Variants in CDH20 observed in about 807,000 individuals in gnomAD.
CDH20 encodes the protein cadherin 20, also known as cadherin-20.
A neutral mutation model predicts 74.2 loss-of-function variants in CDH20; 29 were observed. That is an observed-to-expected ratio of 0.39 (90% CI 0.29 to 0.53). CDH20 has a LOEUF of 0.53. Among genes scored for constraint, CDH20 ranks in the 20% least tolerant of loss-of-function variants. CDH20 has a pLI of 0.69. For missense variants in CDH20, 988 were observed against 1,048.3 expected, an observed-to-expected ratio of 0.94 and a Z score of 0.79; for synonymous variants, 469 against 405.4, an observed-to-expected ratio of 1.16 and a Z score of -1.88.
intron 1 of CDH20, among the ~76,000 whole-genome samples, chr18:61,473,631 C>A (rs1023599248): frequency 6.6e-6 from 1 of 152,230 alleles, no homozygotes; most frequent in African/African-American, 2.4e-5. Flanking sequence ...ACTGGTAATG[C>A]AGTTTCCACT....
intron 1 of CDH20, among the ~76,000 whole-genome samples, chr18:61,473,820 A>C (rs1459702930): frequency 6.6e-6 from 1 of 152,194 alleles, no homozygotes; most frequent in Non-Finnish European, 1.5e-5. Flanking sequence ...ATCAATCAGC[A>C]GGTCATAAAA....
intron 1 of CDH20, among the ~76,000 whole-genome samples, chr18:61,407,800 G>A (rs191366505): frequency 2.6e-5 from 4 of 152,300 alleles, no homozygotes; most frequent in African/African-American, 9.6e-5. Flanking sequence ...GTTATAAAAG[G>A]AAGGCTAAAG....
chr18:61,422,430 C>CA, intron 1 of CDH20, among the ~76,000 whole-genome samples: 2 of 151,966 alleles, frequency 1.3e-5, no homozygotes, highest in Admixed American at 1.3e-4. Context: ...TGCTACAGGG[C>CA]AAAAAATAAA....
At chr18:61,523,054 T>C (rs1326148523) in intron 6 of CDH20, among the ~76,000 whole-genome samples, 1 of 151,922 alleles carries the variant, frequency 6.6e-6, no homozygotes, top group African/African-American at 2.4e-5. Flanking sequence ...AAAGCCAAAA[T>C]TGACAAATGG....
At chr18:61,505,208 T>C (rs1276810879) in intron 5 of CDH20, among the ~76,000 whole-genome samples, 1 of 152,164 alleles carries the variant, frequency 6.6e-6, no homozygotes, top group Non-Finnish European at 1.5e-5. Context: ...GGTTATTACA[T>C]AGCTCAAAGG....
chr18:61,533,449 G>A (rs1483316687), intron 7 of CDH20, among the ~76,000 whole-genome samples: 1 of 152,166 alleles, frequency 6.6e-6, no homozygotes, highest in Non-Finnish European at 1.5e-5. Context: ...CTGATATTCA[G>A]CAAATGGCAG....
intron 1 of CDH20, among the ~76,000 whole-genome samples, chr18:61,465,258 AG>A (rs1384915196): frequency 6.6e-6 from 1 of 152,232 alleles, no homozygotes; most frequent in Non-Finnish European, 1.5e-5. Flanking sequence ...GCTGCTAAAA[AG>A]AAAACCAAAA....
chr18:61,503,038 G>C lies in CDH20; in HGVS notation c.747G>C (p.Gly249=). Residue 249 remains glycine (G), a synonymous_variant, in exon 5 of 12, where the codon GGG becomes GGC. Coordinates refer to ENST00000262717, the MANE Select transcript of CDH20 (RefSeq NM_031891.4). ...TTATCCAAGCCAAGGACATGGGAGG[G>C]CAGCTTGGAGGATTAGCTGGGACCA... The part of the protein sequence containing the change: ...EVIIQAKDMG[G]QLGGLAGTTT... 3 of 1,613,506 alleles carry C rather than the reference G, an allele frequency of 1.9e-6. No individual in the cohort carries two copies. Among genetic ancestry groups the C allele is most frequent in the Non-Finnish European group, 2.5e-6 (3 of 1,179,452 alleles).
intron 1 of CDH20, among the ~76,000 whole-genome samples, chr18:61,367,572 G>C (rs577050960): frequency 1.9e-4 from 29 of 152,192 alleles, no homozygotes; most frequent in African/African-American, 6.7e-4. Context: ...GATGCTGCTG[G>C]TATTCCTTGG....
At chr18:61,503,941 G>A (rs1911473466) in intron 5 of CDH20, among the ~76,000 whole-genome samples, 1 of 152,010 alleles carries the variant, frequency 6.6e-6, no homozygotes, top group African/African-American at 2.4e-5. Context: ...TTTATTCCAG[G>A]CACTATTCTA....
intron 10 of CDH20, among the ~76,000 whole-genome samples, chr18:61,548,322 C>T (rs1334409928): frequency 6.6e-6 from 1 of 152,152 alleles, no homozygotes; most frequent in Non-Finnish European, 1.5e-5. Flanking sequence ...GTTTTGGAGC[C>T]AGAGAGACCA....
intron 1 of CDH20, among the ~76,000 whole-genome samples, chr18:61,434,605 T>C (rs1419576520): frequency 2.0e-5 from 3 of 151,810 alleles, no homozygotes; most frequent in African/African-American, 4.8e-5. Context: ...CTTACCCACT[T>C]CTCCCTGCTG....
At chr18:61,417,142 G>C (rs1202273388) in intron 1 of CDH20, among the ~76,000 whole-genome samples, 2 of 152,102 alleles carry the variant, frequency 1.3e-5, no homozygotes, top group African/African-American at 4.8e-5. Flanking sequence ...TAAATGACCA[G>C]TGGTATGGAG....
intron 1 of CDH20, among the ~76,000 whole-genome samples, chr18:61,476,759 A>T (rs1245309286): frequency 6.6e-6 from 1 of 152,208 alleles, no homozygotes; most frequent in African/African-American, 2.4e-5. Context: ...TGATGGTGCC[A>T]GTCACTTCTG....
intron 1 of CDH20, among the ~76,000 whole-genome samples, chr18:61,478,233 T>C (rs1910461424): frequency 1.3e-5 from 2 of 152,046 alleles, no homozygotes; most frequent in African/African-American, 2.4e-5. Context: ...TTTTCATATA[T>C]TTATTGATCA....
chr18:61,494,804 G>T (rs536912481), intron 2 of CDH20, among the ~76,000 whole-genome samples: 1 of 152,254 alleles, frequency 6.6e-6, no homozygotes, highest in African/African-American at 2.4e-5. Flanking sequence ...GCTTGTGCAC[G>T]AATCTGTGGG....
intron 1 of CDH20, among the ~76,000 whole-genome samples, chr18:61,350,494 C>T (rs1203671823): frequency 6.6e-6 from 1 of 152,032 alleles, no homozygotes; most frequent in Non-Finnish European, 1.5e-5. Flanking sequence ...CCAAAGGAAC[C>T]ATAAGTGAAT....
intron 1 of CDH20, among the ~76,000 whole-genome samples, chr18:61,425,246 C>T (rs1389561488): frequency 6.6e-6 from 1 of 152,176 alleles, no homozygotes; most frequent in East Asian, 1.9e-4. Flanking sequence ...GTTCAGTTTC[C>T]CCAACCCTCG....
chr18:61,431,438 C>G lies in CDH20; in HGVS notation c.-152-58964C>G, dbSNP rs1913251695. 3.9e-5 allele frequency among the ~76,000 whole-genome samples: 6 copies of G among 152,212 alleles called. No individual in the cohort carries two copies. In the South Asian group the frequency reaches 1.2e-3, roughly 32 times the overall value. ...TGATATATCAATACTGATTCATTAA[C>G]TAATTTAATTAAGTCCATTAAAGTA... On this transcript the variant is annotated intron_variant, in intron 1 of 11. Transcript: ENST00000262717.
Sources: gnomAD v4.1 joint callset for allele counts (sites outside exome capture counted in the v4.1 genomes callset) on GRCh38, gnomAD v4.1.1 for gene constraint, MANE v1.5 for transcripts, NCBI Gene and HGNC (gene_info 2026-07-23, HGNC 2026-07-21) for gene names.